Variants in SORL1 observed in about 807,000 individuals in gnomAD.
SORL1 encodes sortilin related receptor 1.
SORL1 carries 127 observed loss-of-function variants against 273.7 expected under a neutral mutation model. The ratio of observed to expected loss-of-function variants is 0.46; its 90% CI spans 0.40 to 0.54. SORL1 has a LOEUF of 0.54. Ranked by LOEUF, SORL1 falls within the 20% of genes least tolerant of loss-of-function variation. SORL1 has a pLI of 0.00. For missense variants in SORL1, 2,494 were observed against 2,846.1 expected (o/e 0.88, Z 2.81); for synonymous variants, 1,031 against 1,067.4 (o/e 0.97, Z 0.66).
intron 6 of SORL1, among the ~76,000 whole-genome samples, chr11:121,501,484 A>G (rs1861707331): frequency 6.6e-6 from 1 of 152,152 alleles, no homozygotes; most frequent in Admixed American, 6.6e-5. Context: ...TTATTAGTCC[A>G]TTTTCATACT....
At chr11:121,510,050 C>G (rs1409675009) in intron 6 of SORL1, among the ~76,000 whole-genome samples, 2 of 152,006 alleles carry the variant, frequency 1.3e-5, no homozygotes, top group Admixed American at 1.3e-4. Context: ...TAAATACATG[C>G]TTATTTATAT....
At chr11:121,597,525 G>A (rs1005433760) in intron 32 of SORL1, among the ~76,000 whole-genome samples, 3 of 151,776 alleles carry the variant, frequency 2.0e-5, no homozygotes, top group Non-Finnish European at 4.4e-5. Context: ...GGGCGGGTGG[G>A]ATCTCAGCTC....
At chr11:121,597,785 G>A (rs1352703901) in intron 32 of SORL1, among the ~76,000 whole-genome samples, 1 of 152,142 alleles carries the variant, frequency 6.6e-6, no homozygotes, top group Non-Finnish European at 1.5e-5. Flanking sequence ...TCTAGTGGGA[G>A]GGACATCAAG....
intron 18 of SORL1, chr11:121,557,008 T>C: frequency 2.8e-6 from 1 of 361,456 alleles, no homozygotes; most frequent in Non-Finnish European, 5.1e-6. Flanking sequence ...CTCATTTGCT[T>C]ATTTACTTAT....
At chr11:121,629,340 T>C (rs1863841704) in intron 47 of SORL1, 156 bp from the exon 48 acceptor site, 1 of 573,704 alleles carries the variant, frequency 1.7e-6, no homozygotes, top group Admixed American at 3.2e-5. Flanking sequence ...GAAGCTGGGC[T>C]AGGTTTCACA....
intron 11 of SORL1, among the ~76,000 whole-genome samples, chr11:121,527,893 T>C (rs1023824793): frequency 6.6e-6 from 1 of 152,200 alleles, no homozygotes; most frequent in African/African-American, 2.4e-5. Flanking sequence ...ATACTGTTGA[T>C]CTTTCCAAAG....
intron 12 of SORL1, among the ~76,000 whole-genome samples, chr11:121,541,809 C>CT (rs1252428299): frequency 6.6e-6 from 1 of 152,190 alleles, no homozygotes; most frequent in Non-Finnish European, 1.5e-5. Flanking sequence ...CCCTCTTCTC[C>CT]TTCTTCGACA....
In SORL1 at chr11:121,550,317, A is replaced by G. The variant is rs1862488756; in HGVS notation, c.2180+229A>G. On this transcript the variant is annotated intron_variant, in intron 15 of 47. Coordinates refer to ENST00000260197, the MANE Select transcript of SORL1 (RefSeq NM_003105.6). The surrounding 1 kb of genome is among the most constrained non-coding windows in gnomAD (Gnocchi z 5.3). ...ACTCTAGGAATATCTTAAGTCATCA[A>G]CTTCAGCAGGGAAACATCTTCAGAG... Among the ~76,000 whole-genome samples the G allele has an allele frequency of 6.6e-6, 1 of 152,200 alleles. No homozygotes were observed. The highest frequency in any genetic ancestry group is 1.5e-5 in the Non-Finnish European group (1 of 68,028).
At chr11:121,465,805 G>C (rs1025800120) in intron 1 of SORL1, among the ~76,000 whole-genome samples, 2 of 152,204 alleles carry the variant, frequency 1.3e-5, no homozygotes, top group Admixed American at 1.3e-4. Context: ...GGGATTACAG[G>C]CATGAACCAC....
intron 25 of SORL1, 38 bp from the exon 26 acceptor site, chr11:121,583,420 T>A (rs1445663436): frequency 1.6e-5 from 26 of 1,591,424 alleles, no homozygotes; most frequent in Non-Finnish European, 2.1e-5. Context: ...GGGATGGAGA[T>A]GAGGGGTGTG....
At chr11:121,609,168 T>C (rs1245384781) in intron 38 of SORL1, 2 of 152,246 alleles carry the variant, frequency 1.3e-5, no homozygotes, top group Admixed American at 6.5e-5. Flanking sequence ...AGATGGACAC[T>C]GTGGCATGCA....
chr11:121,469,431 A>C (rs980679091), intron 1 of SORL1, among the ~76,000 whole-genome samples: 1 of 152,256 alleles, frequency 6.6e-6, no homozygotes, highest in Non-Finnish European at 1.5e-5. Flanking sequence ...TCGGTTTACC[A>C]AATCTAAAAG....
At position 121,590,131 on chromosome 11, in the gene SORL1, G is replaced by T; in HGVS notation, c.4170G>T (p.Arg1390Ser). Reference protein sequence around the residue: ...HCIPNRWKCDRENDCGDWSDE... With the variant: ...HCIPNRWKCDSENDCGDWSDE... ...TCCCCAACAGATGGAAATGTGACAG[G>T]GAGAACGACTGTGGGGACTGGTCTG... The change falls in exon 30 of 48, where the codon AGG becomes AGT. Residue 1390 changes from arginine (R) to serine (S), a missense_variant. Transcript: ENST00000260197. 4 of 1,614,230 alleles carry T rather than the reference G, an allele frequency of 2.5e-6. No individual in the cohort carries two copies. In the African/African-American group the frequency reaches 5.3e-5, roughly 22 times the overall value.
intron 25 of SORL1, among the ~76,000 whole-genome samples, chr11:121,580,918 CTT>C (rs35751378): frequency 2.4e-4 from 33 of 135,514 alleles, no homozygotes; most frequent in Non-Finnish European, 2.7e-4. Context: ...TTCTCATACA[CTT>C]TTTTTTTTTT....
At position 121,587,956 on chromosome 11, in the gene SORL1, A is replaced by G. The variant is rs1591340501; in HGVS notation, c.3815-64A>G. 6.9e-6 allele frequency: 11 copies of G among 1,594,346 alleles called. No homozygotes were observed. The East Asian group carries it at 2.3e-4, about 33-fold the overall frequency. On this transcript the variant is annotated intron_variant, in intron 27 of 47. Coordinates refer to ENST00000260197, the MANE Select transcript of SORL1 (RefSeq NM_003105.6). Reference sequence around the variant, plus strand: ...CATCTGTACTCGTGTGCACTTGCCCAGGGCTAGAGGGCCCAGCCAGCCGCA... The same window carrying G: ...CATCTGTACTCGTGTGCACTTGCCCGGGGCTAGAGGGCCCAGCCAGCCGCA...
At chr11:121,597,206 C>T (rs1312315429) in intron 32 of SORL1, among the ~76,000 whole-genome samples, 3 of 152,200 alleles carry the variant, frequency 2.0e-5, no homozygotes, top group Admixed American at 1.3e-4. Flanking sequence ...AAGAGGGAGT[C>T]GGCCGTCCCT....
At chr11:121,462,086 A>G (rs1861009205) in intron 1 of SORL1, among the ~76,000 whole-genome samples, 1 of 152,202 alleles carries the variant, frequency 6.6e-6, no homozygotes, top group Non-Finnish European at 1.5e-5. Context: ...ACCGGAGAGA[A>G]CAAGACTCAA....
intron 5 of SORL1, among the ~76,000 whole-genome samples, chr11:121,491,636 A>G (rs532666448): frequency 2.2e-4 from 33 of 152,324 alleles, no homozygotes; most frequent in African/African-American, 7.5e-4. Context: ...TATGCTTTAC[A>G]TTCATTCTAT....
chr11:121,490,074 G>T lies in SORL1; in HGVS notation c.722G>T (p.Trp241Leu). ...LWKSDDFGQTWIMIQEHVKSF... is the reference protein window; with the variant it reads ...LWKSDDFGQTLIMIQEHVKSF... ...AAGTCAGATGACTTTGGCCAGACCT[G>T]GATCATGATTCAGGAACATGTCAAG... The change falls in exon 5 of 48, where the codon TGG (tryptophan) becomes TTG (leucine). Residue 241 changes from tryptophan to leucine, a missense_variant. Coordinates refer to ENST00000260197, the MANE Select transcript of SORL1 (RefSeq NM_003105.6). 6.2e-7 allele frequency: 1 copy of T among 1,613,968 alleles called. No individual in the cohort carries two copies. The highest frequency in any genetic ancestry group is 8.5e-7 in the Non-Finnish European group (1 of 1,179,858).
Sources: gnomAD v4.1 joint callset for allele counts (sites outside exome capture counted in the v4.1 genomes callset) on GRCh38, gnomAD v4.1.1 for gene constraint, Gnocchi (gnomAD v3.1) non-coding constraint, MANE v1.5 for transcripts, NCBI Gene and HGNC (gene_info 2026-07-23, HGNC 2026-07-21) for gene names.